WWC2: variants seen among roughly 807,000 people sequenced by gnomAD.
WWC2 encodes WW and C2 domain containing 2.
In WWC2, 101 loss-of-function variants were observed where a neutral mutation model predicts 138.5. The observed-to-expected ratio is 0.73, with a 90% CI of 0.62 to 0.86. The LOEUF is 0.86. Ranked by LOEUF, WWC2 falls within the 40% of genes least tolerant of loss-of-function variation. The pLI is 0.00. For missense variants in WWC2, 1,420 were observed against 1,419.4 expected (o/e 1.00, Z -0.01); for synonymous variants, 558 against 538.4 (o/e 1.04, Z -0.50).
chr4:183,224,026 C>A (rs1736000455), intron 4 of WWC2, among the ~76,000 whole-genome samples: 1 of 152,148 alleles, frequency 6.6e-6, no homozygotes, highest in African/African-American at 2.4e-5. Context: ...GCCACCGCAC[C>A]CAGCTGAAGT....
chr4:183,225,817 A>G (rs1736055235), intron 4 of WWC2, among the ~76,000 whole-genome samples: 1 of 152,242 alleles, frequency 6.6e-6, no homozygotes, highest in Non-Finnish European at 1.5e-5. Context: ...AACTGCTCTC[A>G]TGGAGCTTAT....
At chr4:183,177,886 T>G (rs1405595884) in intron 1 of WWC2, among the ~76,000 whole-genome samples, 1 of 152,172 alleles carries the variant, frequency 6.6e-6, no homozygotes, top group Admixed American at 6.5e-5. Flanking sequence ...CTCCATGATC[T>G]TCACATTCTG....
In WWC2 at chr4:183,249,961, G is replaced by T. The variant is rs777993547; in HGVS notation, c.921G>T (p.Arg307Ser). ...GATCAAATTTAGCTGAAAAGGTCAG[G>T]CTAAGCCTACAGTATGAAGAAGCCA... Reference protein sequence around the residue: ...RSRSNLAEKVRLSLQYEEAKR... With the variant: ...RSRSNLAEKVSLSLQYEEAKR... The change falls in exon 8 of 23, where the codon AGG (arginine) becomes AGT (serine). Residue 307 changes from arginine (R) to serine (S), a missense_variant. Coordinates refer to ENST00000403733, the MANE Select transcript of WWC2 (RefSeq NM_024949.6). The T allele has an allele frequency of 6.2e-6, 10 of 1,613,606 alleles. No individual in the cohort carries two copies. The Admixed American group carries it at 1.0e-4, about 16-fold the overall frequency.
At chr4:183,223,033 A>T (rs147194648) in intron 4 of WWC2, among the ~76,000 whole-genome samples, 1 of 152,192 alleles carries the variant, frequency 6.6e-6, no homozygotes, top group Non-Finnish European at 1.5e-5. Context: ...GACAAACCAC[A>T]TATATATGAT....
At chr4:183,124,125 A>G (rs989758917) in intron 1 of WWC2, among the ~76,000 whole-genome samples, 1 of 152,232 alleles carries the variant, frequency 6.6e-6, no homozygotes, top group Non-Finnish European at 1.5e-5. Flanking sequence ...ATAGCCATAT[A>G]GATACCCAAA....
intron 4 of WWC2, among the ~76,000 whole-genome samples, chr4:183,230,921 ATAT>A (rs1379787688): frequency 3.3e-5 from 5 of 152,344 alleles, no homozygotes; most frequent in African/African-American, 7.2e-5. Flanking sequence ...TCGTATTGAA[ATAT>A]TATTAACCAA....
Position 183,130,803 on chromosome 4 carries a change from T to C in WWC2, c.131+31181T>C, listed in dbSNP as rs549948674. On this transcript the variant is annotated intron_variant, in intron 1 of 22. Transcript: ENST00000403733. ...TGTACCTAACAAGTCACCTTCTTCT[T>C]TCCCTGCAAATACACACTCTAGTCA... 7.0e-4 allele frequency among the ~76,000 whole-genome samples: 106 copies of C among 152,284 alleles called. 4 individuals are homozygous for C. In the South Asian group the frequency reaches 0.021, roughly 30 times the overall value.
intron 1 of WWC2, among the ~76,000 whole-genome samples, chr4:183,170,658 C>G (rs1177990239): frequency 1.3e-5 from 2 of 152,030 alleles, no homozygotes; most frequent in Admixed American, 6.5e-5. Context: ...GTAGAAATAA[C>G]AGGGAAGAGA....
At position 183,115,646 on chromosome 4, in the gene WWC2, C is replaced by G. The variant is rs577889796; in HGVS notation, c.131+16024C>G. Among the ~76,000 whole-genome samples the G allele has an allele frequency of 2.6e-5, 4 of 152,154 alleles. No homozygotes were observed. In the South Asian group the frequency reaches 8.3e-4, roughly 32 times the overall value. ...TGTTGAGAATTTTTTCATATGCCTT[C>G]TTTTGAGAAATGTCTGTTCGTGTCC... On this transcript the variant is annotated intron_variant, in intron 1 of 22. Coordinates refer to ENST00000403733, the MANE Select transcript of WWC2 (RefSeq NM_024949.6).
chr4:183,286,924 A>G (rs150903309), intron 20 of WWC2, among the ~76,000 whole-genome samples: 116 of 152,268 alleles, frequency 7.6e-4, no homozygotes, highest in African/African-American at 2.6e-3. Flanking sequence ...ACAATTTCAA[A>G]AAGAAAATGG....
intron 1 of WWC2, among the ~76,000 whole-genome samples, chr4:183,154,380 GACCTT>G (rs1364422556): frequency 2.0e-5 from 3 of 152,148 alleles, no homozygotes; most frequent in Non-Finnish European, 4.4e-5. Context: ...TTAGTGTGAT[GACCTT>G]AAGTTGTGAA....
chr4:183,183,292 G>C (rs1346130748), intron 1 of WWC2, among the ~76,000 whole-genome samples: 1 of 152,116 alleles, frequency 6.6e-6, no homozygotes, highest in Admixed American at 6.5e-5. Flanking sequence ...CTATCACCTA[G>C]GTATTAAGCA....
intron 1 of WWC2, among the ~76,000 whole-genome samples, chr4:183,183,398 A>G (rs541449001): frequency 6.6e-6 from 1 of 152,240 alleles, no homozygotes; most frequent in African/African-American, 2.4e-5. Flanking sequence ...ATTGTTTCTT[A>G]AAAGGACTGT....
intron 4 of WWC2, among the ~76,000 whole-genome samples, chr4:183,216,752 A>G (rs1383010684): frequency 6.6e-6 from 1 of 152,202 alleles, no homozygotes; most frequent in African/African-American, 2.4e-5. Flanking sequence ...AGAAGTGGCT[A>G]GAATATATAG....
chr4:183,262,528 A>G (rs1255529544), intron 11 of WWC2, among the ~76,000 whole-genome samples: 1 of 152,262 alleles, frequency 6.6e-6, no homozygotes, highest in Non-Finnish European at 1.5e-5. Flanking sequence ...CCTTGTTTCT[A>G]CGGTTTCAAA....
chr4:183,289,754 C>A, intron 21 of WWC2, 119 bp downstream of exon 21: 1 of 1,397,348 alleles, frequency 7.2e-7, no homozygotes, highest in Non-Finnish European at 9.6e-7. Context: ...TGTTTTACTA[C>A]AGCTTGGAAC....
Position 183,263,119 on chromosome 4 carries a change from A to G in WWC2, c.1909+1587A>G, listed in dbSNP as rs78727358. Among the ~76,000 whole-genome samples the G allele has an allele frequency of 6.9e-3, 1,050 of 152,354 alleles. 2 individuals are homozygous for G. The highest frequency in any genetic ancestry group is 0.011 in the Non-Finnish European group (760 of 68,030). On this transcript the variant is annotated intron_variant, in intron 11 of 22. Transcript: ENST00000403733. ...TAAACCATGGAAAGCTATGAGAAGA[A>G]GAAAGAGAAGAAAATGGAATGTTCT... is the stretch of plus-strand genomic sequence containing the variant.
intron 1 of WWC2, among the ~76,000 whole-genome samples, chr4:183,146,379 G>A (rs953266281): frequency 6.6e-6 from 1 of 152,172 alleles, no homozygotes; most frequent in African/African-American, 2.4e-5. Context: ...AAGATCAGTT[G>A]CTCTCTCTCT....
At chr4:183,298,671 C>G (rs1738719544) in intron 21 of WWC2, among the ~76,000 whole-genome samples, 1 of 152,154 alleles carries the variant, frequency 6.6e-6, no homozygotes, top group Non-Finnish European at 1.5e-5. Flanking sequence ...TTCCCATGCA[C>G]TAATAGGATT....
Sources: allele counts gnomAD v4.1 joint callset (sites outside exome capture counted in the v4.1 genomes callset), GRCh38; gene constraint gnomAD v4.1.1; transcripts MANE v1.5; gene names NCBI Gene and HGNC (gene_info 2026-07-23, HGNC 2026-07-21).